Variants in CHST8 observed in about 807,000 individuals in gnomAD.
CHST8 encodes the protein GALNAC-4-ST1.
Under a neutral mutation model 15.0 loss-of-function variants are expected in CHST8, and 10 were observed. The ratio of observed to expected loss-of-function variants is 0.67; its 90% CI spans 0.41 to 1.13. The LOEUF (loss-of-function observed/expected upper bound fraction) is 1.13, where lower values mean the gene tolerates loss of function less well. Ranked by LOEUF, CHST8 falls within the 50% of genes most tolerant of loss-of-function variation. The pLI is 0.00. For synonymous variants in CHST8, 259 were observed against 256.6 expected (o/e 1.01, Z -0.09); for missense variants, 634 against 608.2 (o/e 1.04, Z -0.45).
Position 33,741,893 on chromosome 19 carries a change from G to A in CHST8, c.131-29520G>A, listed in dbSNP as rs1206052747. Among the ~76,000 whole-genome samples the A allele has an allele frequency of 4.6e-5, 7 of 152,132 alleles. No homozygotes were observed. In the East Asian group the frequency reaches 1.2e-3, roughly 25 times the overall value. ...GCCAGCTGTCACATCTATCTATTCG[G>A]ATTATACATCTGGGAACTGGGGAGA... On this transcript the variant is annotated intron_variant, in intron 3 of 4. Coordinates refer to ENST00000650847, the MANE Select transcript of CHST8 (RefSeq NM_001127895.2).
chr19:33,701,899 T>C (rs1246410426), intron 3 of CHST8, among the ~76,000 whole-genome samples: 1 of 152,222 alleles, frequency 6.6e-6, no homozygotes, highest in African/African-American at 2.4e-5. Flanking sequence ...TGACCCCAGA[T>C]CTGCCTGATT....
At chr19:33,639,721 AG>A (rs771606949) in intron 1 of CHST8, among the ~76,000 whole-genome samples, 1 of 152,064 alleles carries the variant, frequency 6.6e-6, no homozygotes, top group African/African-American at 2.4e-5. Flanking sequence ...CCTCCTCTGT[AG>A]GGGGTCCTCA....
intron 1 of CHST8, among the ~76,000 whole-genome samples, chr19:33,664,803 G>T (rs757264736): frequency 6.6e-6 from 1 of 151,752 alleles, no homozygotes; most frequent in Non-Finnish European, 1.5e-5. Flanking sequence ...CTGTCTTCAT[G>T]AGATCCAATT....
intron 3 of CHST8, among the ~76,000 whole-genome samples, chr19:33,757,056 G>A (rs954085475): frequency 6.6e-6 from 1 of 152,176 alleles, no homozygotes; most frequent in South Asian, 2.1e-4. Flanking sequence ...CCCTGTGGGG[G>A]CTCCTGCTGC....
chr19:33,771,405 C>T lies in CHST8; in HGVS notation c.131-8C>T. ...CTAATACTGTCCTCTCCTCTGTTTG[C>T]TTTTCAGGAATAAAGTTCAACATCA... On this transcript the variant is annotated splice_region_variant and splice_polypyrimidine_tract_variant and intron_variant, in intron 3 of 4. Transcript: ENST00000650847. 1.2e-6 allele frequency: 2 copies of T among 1,614,086 alleles called. No individual in the cohort carries two copies. The highest frequency in any genetic ancestry group is 1.7e-6 in the Non-Finnish European group (2 of 1,179,948).
intron 3 of CHST8, among the ~76,000 whole-genome samples, chr19:33,727,258 C>T (rs1973918913): frequency 6.6e-6 from 1 of 152,068 alleles, no homozygotes; most frequent in Non-Finnish European, 1.5e-5. Context: ...GGAAATCTTC[C>T]ATATGTCAGG....
rs115012762 is a variant in CHST8 at position 33,687,324 on chromosome 19, C to A, written c.-86-1852C>A. On this transcript the variant is annotated intron_variant, in intron 2 of 4. Transcript: ENST00000650847. ...CAGCCATGGAGAGAGAGGCCCCAGC[C>A]CCGCACAAGGGGCTTTGAGTCTGAG... is the stretch of plus-strand genomic sequence containing the variant. 9.7e-3 allele frequency among the ~76,000 whole-genome samples: 1,477 copies of A among 152,324 alleles called. 17 individuals are homozygous for A. Among genetic ancestry groups the A allele is most frequent in the African/African-American group, 0.034 (1,397 of 41,572 alleles).
chr19:33,763,997 A>G (rs1002687583), intron 3 of CHST8, among the ~76,000 whole-genome samples: 3 of 152,046 alleles, frequency 2.0e-5, no homozygotes, highest in Non-Finnish European at 4.4e-5. Flanking sequence ...GGGTGGACAG[A>G]CTCCTCCAGT....
At chr19:33,695,821 CTTTTTTTTT>C (rs55695414) in intron 3 of CHST8, among the ~76,000 whole-genome samples, 1 of 76,234 alleles carries the variant, frequency 1.3e-5, no homozygotes, top group African/African-American at 6.2e-5. Flanking sequence ...TTCTTTCTTT[CTTTTTTTTT>C]TTTTTTTTTT....
intron 1 of CHST8, among the ~76,000 whole-genome samples, chr19:33,644,160 T>G (rs1047574290): frequency 6.6e-6 from 1 of 152,172 alleles, no homozygotes. Flanking sequence ...CTCGAACTCC[T>G]GACTTCAGGT....
At chr19:33,649,475 G>A (rs928297557) in intron 1 of CHST8, among the ~76,000 whole-genome samples, 2 of 152,162 alleles carry the variant, frequency 1.3e-5, no homozygotes, top group Non-Finnish European at 1.5e-5. Context: ...CAAGCACTTC[G>A]AGGGAGGGCA....
At chr19:33,709,680 G>A (rs1182529930) in intron 3 of CHST8, among the ~76,000 whole-genome samples, 1 of 151,256 alleles carries the variant, frequency 6.6e-6, no homozygotes, top group Admixed American at 6.6e-5. Context: ...ATCTGGCTTT[G>A]CTATCAGATT....
rs745426390 is a variant in CHST8 at position 33,773,088 on chromosome 19, G to T, written c.*25G>T. On this transcript the variant is annotated 3_prime_UTR_variant, in exon 5 of 5. Coordinates refer to ENST00000650847, the MANE Select transcript of CHST8 (RefSeq NM_001127895.2). ...AGGGGCGCCGCAGCTGGCCGGGGCC[G>T]CCCTGCCCCGGTCACTCACCTGTGC... The T allele has an allele frequency of 6.4e-6, 10 of 1,558,424 alleles. No individual in the cohort carries two copies. The highest frequency in any genetic ancestry group is 1.8e-4 in the Middle Eastern group (1 of 5,540).
intron 1 of CHST8, among the ~76,000 whole-genome samples, chr19:33,624,541 C>T (rs1309164523): frequency 6.6e-6 from 1 of 152,096 alleles, no homozygotes; most frequent in African/African-American, 2.4e-5. Flanking sequence ...TTATTCAAAT[C>T]TCTGTTTATG....
chr19:33,746,276 T>C (rs1974311649), intron 3 of CHST8, among the ~76,000 whole-genome samples: 2 of 152,234 alleles, frequency 1.3e-5, no homozygotes, highest in South Asian at 4.1e-4. Context: ...TTATCAAATG[T>C]ATTCCATCAC....
chr19:33,664,962 G>A (rs10413302), intron 1 of CHST8, among the ~76,000 whole-genome samples: 31,903 of 152,124 alleles, frequency 0.21, 3,734 homozygotes, highest in Admixed American at 0.35. Flanking sequence ...CTATTCCATT[G>A]TGTGTATGTA....
At chr19:33,666,433 G>A (rs79118525) in intron 1 of CHST8, among the ~76,000 whole-genome samples, 1 of 152,166 alleles carries the variant, frequency 6.6e-6, no homozygotes, top group South Asian at 2.1e-4. Flanking sequence ...ATGACAAAAA[G>A]GAGGCAGAGC....
intron 3 of CHST8, among the ~76,000 whole-genome samples, chr19:33,692,020 C>G (rs909026389): frequency 5.9e-5 from 9 of 152,098 alleles, no homozygotes; most frequent in African/African-American, 2.2e-4. Context: ...CACGTCCCTC[C>G]CACGCAGCCA....
intron 2 of CHST8, among the ~76,000 whole-genome samples, chr19:33,680,308 A>C (rs1421894760): frequency 6.6e-6 from 1 of 152,128 alleles, no homozygotes; most frequent in Non-Finnish European, 1.5e-5. Context: ...CACAACTGTG[A>C]CTCAAAATCC....
Sources: gnomAD v4.1 joint callset for allele counts (sites outside exome capture counted in the v4.1 genomes callset) on GRCh38, gnomAD v4.1.1 for gene constraint, MANE v1.5 for transcripts, NCBI Gene and HGNC (gene_info 2026-07-23, HGNC 2026-07-21) for gene names.